CDH13: variants seen among roughly 807,000 people sequenced by gnomAD.
CDH13 encodes the protein cadherin-13.
In CDH13, 24 loss-of-function variants were observed where a neutral mutation model predicts 63.8. The observed-to-expected ratio is 0.38, with a 90% CI of 0.27 to 0.53. The LOEUF (loss-of-function observed/expected upper bound fraction) is 0.53. Among genes scored for constraint, CDH13 ranks in the 20% least tolerant of loss-of-function variants. The pLI, the probability that CDH13 is intolerant of heterozygous loss-of-function variation, is 0.85. For missense variants in CDH13, 1,049 were observed against 903.1 expected, an observed-to-expected ratio of 1.16 and a Z score of -2.07; for synonymous variants, 503 against 355.3, an observed-to-expected ratio of 1.42 and a Z score of -4.67.
At chr16:82,755,293 A>ACATTTCTGAGTCTTCCTTTCTG (rs2034571584) in intron 1 of CDH13, among the ~76,000 whole-genome samples, 1 of 152,140 alleles carries the variant, frequency 6.6e-6, no homozygotes, top group Non-Finnish European at 1.5e-5. Flanking sequence ...TGGGGACAGA[A>ACATTTCTGAGTCTTCCTTTCTG]CATTTCTGAG....
At chr16:83,053,554 G>A (rs982399363) in intron 3 of CDH13, among the ~76,000 whole-genome samples, 1 of 152,052 alleles carries the variant, frequency 6.6e-6, no homozygotes, top group African/African-American at 2.4e-5. Context: ...GAATTTTAAA[G>A]CAATAGATAT....
In CDH13 at chr16:83,404,209, C is replaced by G. The variant is rs1214940600; in HGVS notation, c.781+59203C>G. Among the ~76,000 whole-genome samples the G allele has an allele frequency of 4.6e-5, 7 of 152,178 alleles. No homozygotes were observed. In the East Asian group the frequency reaches 1.3e-3, roughly 29 times the overall value. On this transcript the variant is annotated intron_variant, in intron 6 of 13. Transcript: ENST00000567109. ...TTTGTTGGGGGAACTGTTCACGTTT[C>G]AGAACTTTTGGCATCCTTTGCTCCA...
chr16:83,412,430 C>A (rs1008464432), intron 6 of CDH13, among the ~76,000 whole-genome samples: 3 of 152,068 alleles, frequency 2.0e-5, no homozygotes, highest in Non-Finnish European at 4.4e-5. Flanking sequence ...GCAATGCACT[C>A]CAGCCTGGGT....
chr16:83,621,367 C>G (rs1909796082), intron 8 of CDH13, among the ~76,000 whole-genome samples: 1 of 151,736 alleles, frequency 6.6e-6, no homozygotes. Context: ...TACACTTGTG[C>G]ACCAAGGGTT....
chr16:82,874,846 G>A (rs1388090440), intron 2 of CDH13, among the ~76,000 whole-genome samples: 1 of 152,154 alleles, frequency 6.6e-6, no homozygotes, highest in Non-Finnish European at 1.5e-5. Flanking sequence ...GAAATTCTAG[G>A]TACTGAAGAG....
chr16:83,468,421 C>G (rs975909585), intron 6 of CDH13, among the ~76,000 whole-genome samples: 2 of 152,180 alleles, frequency 1.3e-5, no homozygotes, highest in Non-Finnish European at 2.9e-5. Context: ...CAGCCCCGCC[C>G]ACACCTTGAC....
chr16:82,940,135 G>A (rs960525478), intron 2 of CDH13, among the ~76,000 whole-genome samples: 4 of 152,168 alleles, frequency 2.6e-5, no homozygotes, highest in South Asian at 2.1e-4. Context: ...CTCCCACAAC[G>A]TGTGGGAATT....
chr16:83,258,283 A>G (rs1229573787), intron 5 of CDH13, among the ~76,000 whole-genome samples: 1 of 152,220 alleles, frequency 6.6e-6, no homozygotes, highest in Non-Finnish European at 1.5e-5. Context: ...TGTGCCAATA[A>G]AAGGTATATT....
chr16:83,121,117 C>T (rs550180556), intron 3 of CDH13, among the ~76,000 whole-genome samples: 1 of 152,074 alleles, frequency 6.6e-6, no homozygotes, highest in South Asian at 2.1e-4. Context: ...CTTTTTTGTT[C>T]GTTTTGTTAT....
rs114389644 is a variant in CDH13 at position 83,380,445 on chromosome 16, G to A, written c.781+35439G>A. On this transcript the variant is annotated intron_variant, in intron 6 of 13. Coordinates refer to ENST00000567109, the MANE Select transcript of CDH13 (RefSeq NM_001257.5). ...TATTTTTTATTTGAAGATAAAAGAC[G>A]TGACAGATACACGTGAAACCTTTCT... Among the ~76,000 whole-genome samples the A allele has an allele frequency of 6.3e-3, 960 of 152,210 alleles. 11 individuals are homozygous for A. Among genetic ancestry groups the A allele is most frequent in the African/African-American group, 0.022 (912 of 41,542 alleles).
intron 2 of CDH13, among the ~76,000 whole-genome samples, chr16:82,985,535 C>A (rs915011312): frequency 6.6e-6 from 1 of 152,144 alleles, no homozygotes; most frequent in Non-Finnish European, 1.5e-5. Flanking sequence ...CTCACTCAGG[C>A]CCTACAGAGA....
intron 1 of CDH13, among the ~76,000 whole-genome samples, chr16:82,643,608 C>A (rs929885815): frequency 6.6e-6 from 1 of 152,194 alleles, no homozygotes; most frequent in Admixed American, 6.5e-5. Flanking sequence ...GGGTTCTTCA[C>A]GTTTGTTTTG....
intron 2 of CDH13, among the ~76,000 whole-genome samples, chr16:82,882,113 A>T (rs1214875307): frequency 6.6e-6 from 1 of 152,224 alleles, no homozygotes; most frequent in East Asian, 1.9e-4. Flanking sequence ...AAAAAAATAA[A>T]TATCAGGAAT....
intron 7 of CDH13, among the ~76,000 whole-genome samples, chr16:83,597,624 T>A (rs1907394687): frequency 6.6e-6 from 1 of 152,224 alleles, no homozygotes; most frequent in Non-Finnish European, 1.5e-5. Flanking sequence ...ACTTCAGTAC[T>A]AAAAATATTT....
intron 7 of CDH13, among the ~76,000 whole-genome samples, chr16:83,589,180 C>T (rs2150733575): frequency 6.6e-6 from 1 of 152,088 alleles, no homozygotes; most frequent in Admixed American, 6.5e-5. Flanking sequence ...ATAGCCTCTT[C>T]CTCCATCTTA....
At chr16:82,845,024 G>A (rs188178805) in intron 1 of CDH13, among the ~76,000 whole-genome samples, 149 of 152,134 alleles carry the variant, frequency 9.8e-4, no homozygotes, top group African/African-American at 3.4e-3. Context: ...TGATACACGC[G>A]GGCATGTTTT....
At chr16:83,054,988 G>T (rs1056576118) in intron 3 of CDH13, among the ~76,000 whole-genome samples, 1 of 152,038 alleles carries the variant, frequency 6.6e-6, no homozygotes, top group Non-Finnish European at 1.5e-5. Flanking sequence ...CATACAGATT[G>T]TATATTCTGA....
intron 6 of CDH13, among the ~76,000 whole-genome samples, chr16:83,454,089 G>A (rs1018098064): frequency 1.1e-4 from 16 of 152,192 alleles, no homozygotes; most frequent in Non-Finnish European, 1.6e-4. Context: ...GATTCAGTCT[G>A]CATGTTCCGT....
intron 3 of CDH13, among the ~76,000 whole-genome samples, chr16:83,110,641 C>A (rs918469520): frequency 6.6e-6 from 1 of 152,062 alleles, no homozygotes; most frequent in African/African-American, 2.4e-5. Flanking sequence ...TGAATAAGCT[C>A]CTCCCTGGGC....
Sources: allele counts gnomAD v4.1 joint callset (sites outside exome capture counted in the v4.1 genomes callset), GRCh38; gene constraint gnomAD v4.1.1; transcripts MANE v1.5; gene names NCBI Gene and HGNC (gene_info 2026-07-23, HGNC 2026-07-21).